Variants in MS4A13 observed in about 807,000 individuals in gnomAD.
The protein encoded by MS4A13 is membrane spanning 4-domains A13.
Under a neutral mutation model 18.4 loss-of-function variants are expected in MS4A13, and 21 were observed. The ratio of observed to expected loss-of-function variants is 1.14; its 90% CI spans 0.81 to 1.64. The LOEUF (loss-of-function observed/expected upper bound fraction) is 1.64, where lower values mean the gene tolerates loss of function less well. MS4A13 is among the 40% of genes most tolerant of loss of function. MS4A13 has a pLI of 0.00. For synonymous variants in MS4A13, 62 were observed against 57.2 expected (o/e 1.08, Z -0.38); for missense variants, 173 against 176.8 (o/e 0.98, Z 0.12).
At chr11:60,518,962 G>A (rs2086656113) in intron 3 of MS4A13, among the ~76,000 whole-genome samples, 1 of 152,164 alleles carries the variant, frequency 6.6e-6, no homozygotes, top group African/African-American at 2.4e-5. Flanking sequence ...GAGAGGGTTT[G>A]CTTATTAGTT....
chr11:60,519,173 GC>G (rs869031708), intron 3 of MS4A13, among the ~76,000 whole-genome samples: 2 of 150,550 alleles, frequency 1.3e-5, no homozygotes, highest in East Asian at 2.0e-4. Flanking sequence ...AGGCAATTTT[GC>G]CCCTGATAAC....
intron 3 of MS4A13, among the ~76,000 whole-genome samples, chr11:60,519,613 C>A (rs545551026): frequency 6.6e-6 from 1 of 152,248 alleles, no homozygotes; most frequent in South Asian, 2.1e-4. Flanking sequence ...GGTTTAGGAA[C>A]AGGATATGAA....
intron 2 of MS4A13, among the ~76,000 whole-genome samples, chr11:60,517,819 G>A (rs1323353006): frequency 6.6e-6 from 1 of 152,100 alleles, no homozygotes; most frequent in Non-Finnish European, 1.5e-5. Flanking sequence ...TTAACTTACA[G>A]GAGAATTGGC....
chr11:60,529,771 TTGTA>T lies in MS4A13; in HGVS notation c.402+317_402+320del, dbSNP rs546973649. On this transcript the variant is annotated intron_variant, in intron 6 of 6. Transcript: ENST00000378186. The stretch of plus-strand genomic sequence containing the variant: ...AATACACACACATTCTCTTTACTAA[TTGTA>T]TGTATTATATTCACATTATTTTGTC... Among the ~76,000 whole-genome samples the T allele has an allele frequency of 2.3e-3, 356 of 152,338 alleles. 2 individuals are homozygous for T. Among genetic ancestry groups the T allele is most frequent in the African/African-American group, 8.0e-3 (332 of 41,582 alleles).
intron 6 of MS4A13, among the ~76,000 whole-genome samples, chr11:60,540,597 T>C (rs919908430): frequency 2.6e-5 from 4 of 152,070 alleles, no homozygotes; most frequent in African/African-American, 9.7e-5. Context: ...ATATAATAGC[T>C]TAAAAACAAG....
chr11:60,532,235 G>A (rs895249602), intron 6 of MS4A13, among the ~76,000 whole-genome samples: 2 of 152,228 alleles, frequency 1.3e-5, no homozygotes, highest in Non-Finnish European at 2.9e-5. Flanking sequence ...GAAGACGGGT[G>A]ATTTCTGCAT....
chr11:60,520,484 T>A (rs539426220), intron 3 of MS4A13, among the ~76,000 whole-genome samples: 1 of 152,330 alleles, frequency 6.6e-6, no homozygotes, highest in South Asian at 2.1e-4. Context: ...AATACAGCTG[T>A]TCCAAATGCG....
At chr11:60,523,819 A>C in intron 3 of MS4A13, 78 bp from the exon 4 acceptor site, 1 of 853,344 alleles carries the variant, frequency 1.2e-6, no homozygotes, top group East Asian at 2.6e-5. Flanking sequence ...TAATTGACTT[A>C]CAAGAGAGTT....
intron 3 of MS4A13, among the ~76,000 whole-genome samples, chr11:60,522,211 G>A (rs1172265205): frequency 2.5e-5 from 1 of 40,268 alleles, no homozygotes; most frequent in Non-Finnish European, 7.4e-5. Context: ...TAGATAGATA[G>A]ATAGATAGAT....
intron 5 of MS4A13, among the ~76,000 whole-genome samples, chr11:60,527,661 C>A (rs2086729107): frequency 6.6e-6 from 1 of 151,870 alleles, no homozygotes; most frequent in Non-Finnish European, 1.5e-5. Context: ...CAAGGTGAAA[C>A]CCTGTCTCCA....
intron 6 of MS4A13, among the ~76,000 whole-genome samples, chr11:60,531,879 T>C (rs533706535): frequency 3.3e-4 from 51 of 152,290 alleles, no homozygotes; most frequent in Admixed American, 6.5e-4. Flanking sequence ...TATTTCCAAA[T>C]ACAGTCACAT....
chr11:60,542,561 G>A lies in MS4A13; in HGVS notation c.445G>A (p.Glu149Lys), dbSNP rs1360650866. 1.9e-6 allele frequency: 3 copies of A among 1,610,290 alleles called. No homozygotes were observed. The highest frequency in any genetic ancestry group is 1.1e-5 in the South Asian group (1 of 90,458). Reference sequence around the variant, plus strand: ...TCTTACATCTGTTACTGAGGAAGCTGAGAGCACTCCTTAAAAACCCTAGAA... The same window carrying A: ...TCTTACATCTGTTACTGAGGAAGCTAAGAGCACTCCTTAAAAACCCTAGAA... Reference protein sequence around the residue: ...NDLTSVTEEAESTP With the variant: ...NDLTSVTEEAKSTP Residue 149 changes from glutamate (E) to lysine (K), a missense_variant, in exon 7 of 7, where the codon GAG becomes AAG. Physicochemically the swap from Glu to Lys is moderately conservative, Grantham distance 56 (BLOSUM62 1). Coordinates refer to ENST00000378186, the MANE Select transcript of MS4A13 (RefSeq NM_001012417.3).
intron 6 of MS4A13, among the ~76,000 whole-genome samples, chr11:60,541,634 T>A (rs2086859774): frequency 6.6e-6 from 1 of 152,076 alleles, no homozygotes. Context: ...TATCTAAAAG[T>A]CAAAATGACC....
At chr11:60,519,431 A>G (rs1377132808) in intron 3 of MS4A13, among the ~76,000 whole-genome samples, 1 of 152,270 alleles carries the variant, frequency 6.6e-6, no homozygotes, top group East Asian at 1.9e-4. Context: ...AGTAGCTTCA[A>G]ATAGCTCAAT....
chr11:60,517,501 G>T (rs1590869147), intron 2 of MS4A13, among the ~76,000 whole-genome samples: 1 of 151,942 alleles, frequency 6.6e-6, no homozygotes, highest in African/African-American at 2.4e-5. Context: ...TTTCCAATGG[G>T]AAAACCGAGT....
At chr11:60,540,502 G>A (rs955735304) in intron 6 of MS4A13, among the ~76,000 whole-genome samples, 2 of 152,156 alleles carry the variant, frequency 1.3e-5, no homozygotes, top group African/African-American at 4.8e-5. Context: ...TAAAGTTGCT[G>A]TATTTTACTG....
chr11:60,530,406 T>A (rs1156965253), intron 6 of MS4A13, among the ~76,000 whole-genome samples: 1 of 152,196 alleles, frequency 6.6e-6, no homozygotes, highest in Non-Finnish European at 1.5e-5. Flanking sequence ...GATCAACAAC[T>A]GATTGAAATA....
chr11:60,531,756 A>G (rs923925517), intron 6 of MS4A13, among the ~76,000 whole-genome samples: 1 of 152,170 alleles, frequency 6.6e-6, no homozygotes, highest in Non-Finnish European at 1.5e-5. Flanking sequence ...GTGTTTTCAC[A>G]TGGTCTTCTC....
chr11:60,523,947 A>T lies in MS4A13; in HGVS notation c.180A>T (p.Arg60=). The T allele has an allele frequency of 6.6e-7, 1 of 1,526,092 alleles. No individual in the cohort carries two copies. The highest frequency in any genetic ancestry group is 1.7e-5 in the Admixed American group (1 of 59,244). The allele number at this position is 1,526,092 out of a possible 1,614,324, so 94.5% of individuals were successfully genotyped here. A position where few individuals can be genotyped will look rare whatever the true frequency, so the allele number is the denominator to read the frequency against. The change falls in exon 4 of 7, where the codon CGA becomes CGT. Residue 60 remains arginine, a synonymous_variant. Transcript: ENST00000378186. ...TAAGAGTAACAAAGTATCCGACTCG[A>T]TCTGGAGTAAGTTGAAATGTTTGAG... ...FLIRVTKYPT[R]SGIISTLIIN...
Sources: gnomAD v4.1 joint callset for allele counts (sites outside exome capture counted in the v4.1 genomes callset) on GRCh38, gnomAD v4.1.1 for gene constraint, MANE v1.5 for transcripts, NCBI Gene and HGNC (gene_info 2026-07-23, HGNC 2026-07-21) for gene names.